MICU2: variants seen among roughly 807,000 people sequenced by gnomAD.
The protein encoded by MICU2 is calcium uptake protein 2, mitochondrial.
Under a neutral mutation model 60.4 loss-of-function variants are expected in MICU2, and 64 were observed. That is an observed-to-expected ratio of 1.06 (90% CI 0.87 to 1.31). The LOEUF (loss-of-function observed/expected upper bound fraction) is 1.31, where lower values mean the gene tolerates loss of function less well. Among genes scored for constraint, MICU2 ranks in the 50% most tolerant of loss-of-function variants. The probability of loss-of-function intolerance (pLI) is 0.00; values close to 1 mark genes in which losing one functional copy is unlikely to be tolerated. For synonymous variants in MICU2, 201 were observed against 175.0 expected (o/e 1.15, Z -1.17); for missense variants, 569 against 531.0 (o/e 1.07, Z -0.70).
At chr13:21,514,170 C>T (rs1330071408) in intron 7 of MICU2, among the ~76,000 whole-genome samples, 183 bp downstream of exon 7, 1 of 152,146 alleles carries the variant, frequency 6.6e-6, no homozygotes, top group Non-Finnish European at 1.5e-5. Context: ...AAAGTATAGC[C>T]TATTGTTCAG....
chr13:21,568,561 A>G (rs547674722), intron 1 of MICU2, among the ~76,000 whole-genome samples: 2 of 152,232 alleles, frequency 1.3e-5, no homozygotes, highest in Non-Finnish European at 2.9e-5. Context: ...GGGCAAATAT[A>G]CATGTTTTCA....
chr13:21,575,331 T>C (rs1019326000), intron 1 of MICU2, among the ~76,000 whole-genome samples: 2 of 152,050 alleles, frequency 1.3e-5, no homozygotes, highest in African/African-American at 4.8e-5. Context: ...TTTTTGCTTC[T>C]TCCATAATTA....
intron 2 of MICU2, among the ~76,000 whole-genome samples, chr13:21,550,050 T>C (rs965252486): frequency 3.3e-5 from 5 of 152,192 alleles, no homozygotes; most frequent in Admixed American, 1.3e-4. Flanking sequence ...AGTTTTCCCT[T>C]AAATATTACT....
chr13:21,600,507 G>GT (rs945342795), intron 1 of MICU2, among the ~76,000 whole-genome samples: 6 of 152,146 alleles, frequency 3.9e-5, no homozygotes, highest in African/African-American at 1.4e-4. Context: ...CCATTAAACT[G>GT]TAAGCACATA....
intron 4 of MICU2, among the ~76,000 whole-genome samples, chr13:21,529,883 G>GGACTGTTGAGTAGAA (rs1157166857): frequency 1.3e-5 from 2 of 152,192 alleles, no homozygotes; most frequent in African/African-American, 2.4e-5. Flanking sequence ...TACAGTAGAT[G>GGACTGTTGAGTAGAA]TGTTGGAGGG....
rs1593363716 is a variant in MICU2, at chr13:21,600,813, T to A, written c.210+3126A>T. On this transcript the variant is annotated intron_variant, in intron 1 of 11. Coordinates refer to ENST00000382374, the MANE Select transcript of MICU2 (RefSeq NM_152726.3). Reference sequence around the variant, plus strand: ...ATTCACTATTATTATTATTATTATTTTGAGACGGAGTCTTGCTCTGTCGCC... The same window carrying A: ...ATTCACTATTATTATTATTATTATTATGAGACGGAGTCTTGCTCTGTCGCC... Among the ~76,000 whole-genome samples the A allele has an allele frequency of 9.1e-5, 11 of 120,804 alleles. No homozygotes were observed. The Admixed American group carries it at 1.0e-3, about 11-fold the overall frequency. The allele number at this position is 120,804 out of a possible 152,430, so 79.3% of individuals were successfully genotyped here. A position where few individuals can be genotyped will look rare whatever the true frequency, so the allele number is the denominator to read the frequency against.
chr13:21,530,970 T>C, intron 4 of MICU2: 3 of 777,858 alleles, frequency 3.9e-6, no homozygotes, highest in Non-Finnish European at 7.1e-6. Context: ...GTGACAAATA[T>C]ACACTCTGGA....
chr13:21,504,391 C>G (rs1222262157), intron 8 of MICU2, among the ~76,000 whole-genome samples: 2 of 151,950 alleles, frequency 1.3e-5, no homozygotes, highest in Non-Finnish European at 1.5e-5. Context: ...TTTCTTCAGG[C>G]TCTATGCGAG....
At chr13:21,595,401 A>G (rs1399557966) in intron 1 of MICU2, among the ~76,000 whole-genome samples, 1 of 152,220 alleles carries the variant, frequency 6.6e-6, no homozygotes, top group African/African-American at 2.4e-5. Context: ...GCCCTCACAG[A>G]CCAGCCAGAA....
In MICU2 at chr13:21,551,599, C is replaced by T. The variant is rs1433103476; in HGVS notation, c.359-11911G>A. The stretch of plus-strand genomic sequence containing the variant: ...CTATCCCTCCCCCCTCCCCCCACCC[C>T]ACAACAGGCCCAGGTGTGTGATGTT... On this transcript the variant is annotated intron_variant, in intron 2 of 11. Transcript: ENST00000382374. Among the ~76,000 whole-genome samples the T allele has an allele frequency of 5.8e-5, 7 of 120,842 alleles. No homozygotes were observed. The East Asian group carries it at 2.0e-3, about 34-fold the overall frequency. 79.3% of individuals were successfully genotyped at this position (120,842 alleles called of 152,430 possible).
chr13:21,587,651 T>C (rs1034367078), intron 1 of MICU2, among the ~76,000 whole-genome samples: 5 of 152,212 alleles, frequency 3.3e-5, no homozygotes, highest in Non-Finnish European at 5.9e-5. Flanking sequence ...CATGCTGATT[T>C]CGAAGTGAAT....
At chr13:21,499,098 G>A (rs1278840951) in intron 9 of MICU2, among the ~76,000 whole-genome samples, 1 of 151,978 alleles carries the variant, frequency 6.6e-6, no homozygotes, top group Non-Finnish European at 1.5e-5. Flanking sequence ...TTACAGGCAT[G>A]CGCCACCACG....
intron 7 of MICU2, among the ~76,000 whole-genome samples, chr13:21,511,057 G>C (rs1886416996): frequency 6.6e-6 from 1 of 152,090 alleles, no homozygotes; most frequent in Non-Finnish European, 1.5e-5. Flanking sequence ...AAGCCCACAG[G>C]GTGGGATATA....
intron 1 of MICU2, among the ~76,000 whole-genome samples, chr13:21,593,520 CT>C (rs1888628731): frequency 8.5e-6 from 1 of 116,976 alleles, no homozygotes; most frequent in Non-Finnish European, 1.7e-5. Context: ...AACACAAAAA[CT>C]ATTTCACATG....
intron 4 of MICU2, among the ~76,000 whole-genome samples, chr13:21,535,013 T>C (rs1279369532): frequency 2.6e-5 from 4 of 152,190 alleles, no homozygotes; most frequent in African/African-American, 4.8e-5. Flanking sequence ...AATGCAGCAA[T>C]GAAGCTGTAC....
intron 2 of MICU2, among the ~76,000 whole-genome samples, chr13:21,559,811 C>T (rs991703078): frequency 6.6e-6 from 1 of 152,154 alleles, no homozygotes; most frequent in Admixed American, 6.5e-5. Context: ...AGGGGTGAGC[C>T]ACCATGCCCA....
At chr13:21,581,237 C>T (rs1888341236) in intron 1 of MICU2, among the ~76,000 whole-genome samples, 1 of 152,164 alleles carries the variant, frequency 6.6e-6, no homozygotes, top group East Asian at 1.9e-4. Flanking sequence ...CGTGCCTCAG[C>T]CTCTTGAGTA....
intron 10 of MICU2, chr13:21,495,835 T>G: frequency 2.4e-6 from 1 of 420,396 alleles, no homozygotes; most frequent in Non-Finnish European, 4.2e-6. Context: ...TGCCCGGCCT[T>G]CTTCCTTCTT....
chr13:21,541,904 G>A (rs994982128), intron 2 of MICU2, among the ~76,000 whole-genome samples: 3 of 152,042 alleles, frequency 2.0e-5, no homozygotes, highest in African/African-American at 7.2e-5. Context: ...ACTTAATGCA[G>A]TTTAAGTTGT....
Sources: allele counts gnomAD v4.1 joint callset (sites outside exome capture counted in the v4.1 genomes callset), GRCh38; gene constraint gnomAD v4.1.1; transcripts MANE v1.5; gene names NCBI Gene and HGNC (gene_info 2026-07-23, HGNC 2026-07-21).